The following CSMD1 variants were observed in gnomAD, a reference collection of about 807,000 sequenced individuals.
The protein encoded by CSMD1 is CUB and sushi domain-containing protein 1.
Under a neutral mutation model 417.5 loss-of-function variants are expected in CSMD1, and 213 were observed. The observed-to-expected ratio is 0.51, with a 90% CI of 0.46 to 0.57. The LOEUF (loss-of-function observed/expected upper bound fraction) is 0.57. CSMD1 is among the 20% of genes least tolerant of loss of function. The pLI is 0.00. For synonymous variants in CSMD1, 2,862 were observed against 1,736.8 expected (o/e 1.65, Z -16.11); for missense variants, 6,923 against 4,529.7 (o/e 1.53, Z -15.17).
intron 4 of CSMD1, among the ~76,000 whole-genome samples, chr8:4,018,341 T>C (rs550661620): frequency 1.6e-3 from 251 of 152,338 alleles, no homozygotes; most frequent in African/African-American, 5.9e-3. Flanking sequence ...TGTATTCATT[T>C]TCATCCACAA....
intron 3 of CSMD1, among the ~76,000 whole-genome samples, chr8:4,045,705 A>T (rs188028233): frequency 1.6e-4 from 25 of 152,378 alleles, no homozygotes; most frequent in African/African-American, 2.9e-4. Context: ...AGCAGTAACC[A>T]TAAGATTCAA....
chr8:4,188,954 G>T (rs1230895045), intron 3 of CSMD1, among the ~76,000 whole-genome samples: 1 of 152,156 alleles, frequency 6.6e-6, no homozygotes, highest in Admixed American at 6.5e-5. Context: ...AGATATTAGA[G>T]CCCTGTGTTG....
At chr8:4,972,360 A>G (rs1400030713) in intron 1 of CSMD1, among the ~76,000 whole-genome samples, 1 of 152,120 alleles carries the variant, frequency 6.6e-6, no homozygotes, top group Non-Finnish European at 1.5e-5. Flanking sequence ...GGTGCAGGTA[A>G]TTGAATCATG....
intron 33 of CSMD1, among the ~76,000 whole-genome samples, chr8:3,193,814 G>A (rs564198487): frequency 6.6e-6 from 1 of 152,100 alleles, no homozygotes; most frequent in Non-Finnish European, 1.5e-5. Flanking sequence ...CTCATCTGTC[G>A]GGAAAAGCCG....
At chr8:3,590,176 C>G (rs2117020394) in intron 8 of CSMD1, among the ~76,000 whole-genome samples, 1 of 152,204 alleles carries the variant, frequency 6.6e-6, no homozygotes, top group Admixed American at 6.5e-5. Flanking sequence ...TAACTATGAT[C>G]TATCTATATT....
intron 51 of CSMD1, among the ~76,000 whole-genome samples, chr8:3,026,123 G>C (rs928862387): frequency 2.0e-5 from 3 of 152,106 alleles, no homozygotes; most frequent in African/African-American, 7.2e-5. Flanking sequence ...GGAACAGCCT[G>C]GTGAGGGAAG....
At chr8:3,355,698 G>A (rs996698260) in intron 21 of CSMD1, among the ~76,000 whole-genome samples, 3 of 152,164 alleles carry the variant, frequency 2.0e-5, no homozygotes, top group Admixed American at 1.3e-4. Flanking sequence ...TGAGACCTCA[G>A]GTTCTTGTTG....
At chr8:3,929,479 C>G (rs1366529893) in intron 5 of CSMD1, among the ~76,000 whole-genome samples, 1 of 150,286 alleles carries the variant, frequency 6.7e-6, no homozygotes, top group Non-Finnish European at 1.5e-5. Flanking sequence ...CAGGTGCTGT[C>G]TCTGAAGGAC....
At position 4,103,268 on chromosome 8, in the gene CSMD1, T is replaced by TATATAC. The variant is rs1410150457; in HGVS notation, c.416-71170_416-71169insGTATAT. ...TGATGATCAGTGTATACATACATTA[T>TATATAC]ATATATCATACTGAAAGTATGACGT... is the stretch of plus-strand genomic sequence containing the variant. On this transcript the variant is annotated intron_variant, in intron 3 of 69. Coordinates refer to ENST00000635120, the MANE Select transcript of CSMD1 (RefSeq NM_033225.6). Among the ~76,000 whole-genome samples the TATATAC allele has an allele frequency of 4.6e-5, 7 of 150,854 alleles. No individual in the cohort carries two copies. In the South Asian group the frequency reaches 1.2e-3, roughly 27 times the overall value.
At chr8:4,604,234 G>C (rs974047458) in intron 2 of CSMD1, among the ~76,000 whole-genome samples, 6 of 151,816 alleles carry the variant, frequency 4.0e-5, no homozygotes, top group African/African-American at 1.5e-4. Flanking sequence ...AACTTTGATT[G>C]ACTACTACCT....
At chr8:4,044,818 C>A (rs925284825) in intron 3 of CSMD1, among the ~76,000 whole-genome samples, 5 of 152,238 alleles carry the variant, frequency 3.3e-5, no homozygotes, top group Non-Finnish European at 5.9e-5. Context: ...GTGAACCATC[C>A]TCGATGAGTA....
At chr8:3,476,913 A>G (rs1225486939) in intron 11 of CSMD1, among the ~76,000 whole-genome samples, 2 of 14,646 alleles carry the variant, frequency 1.4e-4, no homozygotes, top group South Asian at 2.6e-3. Flanking sequence ...ACTCCGCCTC[A>G]AAAAAAAAAA....
chr8:4,866,566 A>G (rs1465898284), intron 1 of CSMD1, among the ~76,000 whole-genome samples: 1 of 151,944 alleles, frequency 6.6e-6, no homozygotes, highest in Non-Finnish European at 1.5e-5. Flanking sequence ...ATAGAAACCC[A>G]GAGAAGCTCA....
intron 2 of CSMD1, among the ~76,000 whole-genome samples, chr8:4,557,056 A>G (rs955870818): frequency 3.3e-5 from 5 of 152,222 alleles, no homozygotes; most frequent in African/African-American, 1.2e-4. Context: ...TTTTTTAACA[A>G]TCACTTATGG....
At chr8:2,958,131 T>C (rs1803154783) in intron 62 of CSMD1, among the ~76,000 whole-genome samples, 1 of 152,194 alleles carries the variant, frequency 6.6e-6, no homozygotes, top group African/African-American at 2.4e-5. Context: ...ATTTTTTTCC[T>C]GCCACTCACA....
chr8:2,958,089 T>C (rs1483213409), intron 62 of CSMD1, among the ~76,000 whole-genome samples: 1 of 152,206 alleles, frequency 6.6e-6, no homozygotes, highest in Non-Finnish European at 1.5e-5. Context: ...GTTCTTTCTT[T>C]TTTGTTTGTA....
At chr8:4,594,124 A>G (rs1222151323) in intron 2 of CSMD1, among the ~76,000 whole-genome samples, 1 of 150,736 alleles carries the variant, frequency 6.6e-6, no homozygotes, top group African/African-American at 2.4e-5. Context: ...CCTTTTTATA[A>G]GGACACTGGT....
rs532492361 is a variant in CSMD1 at position 4,166,340 on chromosome 8, C to A, written c.416-134241G>T. On this transcript the variant is annotated intron_variant, in intron 3 of 69. Transcript: ENST00000635120. ...TGTAACAGGTCTATAAAAGACCATACGTATTATACACCTACAGCACATGTT... is the reference window on the plus strand; with the variant it reads ...TGTAACAGGTCTATAAAAGACCATAAGTATTATACACCTACAGCACATGTT... Among the ~76,000 whole-genome samples the A allele has an allele frequency of 3.9e-5, 6 of 152,068 alleles. No individual in the cohort carries two copies. The East Asian group carries it at 1.2e-3, about 29-fold the overall frequency.
chr8:2,974,689 CT>C (rs1804770431), intron 55 of CSMD1, 65 bp from the exon 56 acceptor site: 1 of 1,249,858 alleles, frequency 8.0e-7, no homozygotes, highest in Non-Finnish European at 1.1e-6. Context: ...ATTGGAAAAT[CT>C]CCCATACAGA....
Sources: gnomAD v4.1 joint callset for allele counts (sites outside exome capture counted in the v4.1 genomes callset) on GRCh38, gnomAD v4.1.1 for gene constraint, MANE v1.5 for transcripts, NCBI Gene and HGNC (gene_info 2026-07-23, HGNC 2026-07-21) for gene names.